The following ASCC3 variants were observed in gnomAD, a reference collection of about 807,000 sequenced individuals.
ASCC3 encodes the protein activating signal cointegrator 1 complex subunit 3.
Under a neutral mutation model 256.3 loss-of-function variants are expected in ASCC3, and 158 were observed. That is an observed-to-expected ratio of 0.62 (90% CI 0.54 to 0.70). The LOEUF (loss-of-function observed/expected upper bound fraction) is 0.70, where lower values mean the gene tolerates loss of function less well. ASCC3 is among the 30% of genes least tolerant of loss of function. ASCC3 has a pLI of 0.00. For synonymous variants in ASCC3, 948 were observed against 883.4 expected, an observed-to-expected ratio of 1.07 and a Z score of -1.30; for missense variants, 2,259 against 2,626.0, an observed-to-expected ratio of 0.86 and a Z score of 3.05.
intron 22 of ASCC3, 36 bp downstream of exon 22, chr6:100,646,579 T>C: frequency 6.2e-7 from 1 of 1,610,718 alleles, no homozygotes; most frequent in Non-Finnish European, 8.5e-7. Context: ...ACAGATATTT[T>C]TGTTTAACAC....
intron 10 of ASCC3, among the ~76,000 whole-genome samples, chr6:100,726,404 T>G (rs984862534): frequency 2.6e-5 from 4 of 152,032 alleles, no homozygotes; most frequent in African/African-American, 9.7e-5. Context: ...TAGAACAGTA[T>G]GCCAGCCCTT....
At chr6:100,528,647 A>T (rs1774716104) in intron 37 of ASCC3, among the ~76,000 whole-genome samples, 1 of 152,190 alleles carries the variant, frequency 6.6e-6, no homozygotes, top group African/African-American at 2.4e-5. Context: ...CTAAAAGAAA[A>T]AAAAATACTT....
At chr6:100,567,254 T>C (rs1209549278) in intron 36 of ASCC3, among the ~76,000 whole-genome samples, 3 of 152,126 alleles carry the variant, frequency 2.0e-5, no homozygotes, top group South Asian at 2.1e-4. Flanking sequence ...TATCTATGCA[T>C]AGTAATATAT....
At chr6:100,610,717 A>G (rs1423137014) in intron 30 of ASCC3, among the ~76,000 whole-genome samples, 2 of 152,292 alleles carry the variant, frequency 1.3e-5, no homozygotes, top group South Asian at 2.1e-4. Context: ...ATATGGAAAT[A>G]TATTAGTATG....
intron 37 of ASCC3, among the ~76,000 whole-genome samples, chr6:100,525,725 G>A (rs1379010801): frequency 1.3e-5 from 2 of 152,014 alleles, no homozygotes; most frequent in East Asian, 1.9e-4. Context: ...TATTTAAGAC[G>A]TCAATATTAG....
chr6:100,655,637 T>A (rs1390667690), intron 17 of ASCC3, 62 bp downstream of exon 17: 1 of 1,552,206 alleles, frequency 6.4e-7, no homozygotes, highest in Non-Finnish European at 8.8e-7. Flanking sequence ...ATATCTATCC[T>A]CATATCATGA....
chr6:100,824,227 C>G (rs1283802432), intron 4 of ASCC3, among the ~76,000 whole-genome samples: 1 of 152,112 alleles, frequency 6.6e-6, no homozygotes, highest in Non-Finnish European at 1.5e-5. Context: ...CTATTTGAAC[C>G]CTGCTTCTCT....
chr6:100,683,280 T>A (rs922297839), intron 13 of ASCC3, among the ~76,000 whole-genome samples: 20 of 152,156 alleles, frequency 1.3e-4, no homozygotes, highest in African/African-American at 4.8e-4. Context: ...TCCTGTTGAA[T>A]TAGCAGATAT....
At chr6:100,523,044 G>C (rs1267565919) in intron 37 of ASCC3, among the ~76,000 whole-genome samples, 1 of 149,394 alleles carries the variant, frequency 6.7e-6, no homozygotes, top group Non-Finnish European at 1.5e-5. Context: ...TGACAAGACA[G>C]AATGTAAGCA....
intron 29 of ASCC3, among the ~76,000 whole-genome samples, chr6:100,625,978 G>T (rs915912166): frequency 2.6e-5 from 4 of 151,968 alleles, no homozygotes; most frequent in Non-Finnish European, 5.9e-5. Context: ...TACTATGCCT[G>T]AATGAGTATC....
chr6:100,859,326 T>C, intron 3 of ASCC3: 1 of 737,262 alleles, frequency 1.4e-6, no homozygotes, highest in Non-Finnish European at 2.5e-6. Flanking sequence ...AAATTTTGTA[T>C]TTTGCAGTTT....
chr6:100,676,323 T>C (rs1777004555), intron 14 of ASCC3, among the ~76,000 whole-genome samples: 1 of 152,216 alleles, frequency 6.6e-6, no homozygotes, highest in Non-Finnish European at 1.5e-5. Flanking sequence ...TATTATTTAC[T>C]CCATTATTAT....
chr6:100,800,424 G>A lies in ASCC3; in HGVS notation c.1003C>T (p.Gln335Ter). 6.2e-7 allele frequency: 1 copy of A among 1,612,390 alleles called. No homozygotes were observed. Among genetic ancestry groups the A allele is most frequent in the Non-Finnish European group, 8.5e-7 (1 of 1,179,168 alleles). ...TCACGTCGATATTGTTTCATTAACT[G>A]CTTTTCTTGTTCAGACTGAATAGTG... ...QVTIQSEQEK[Q>*]LMKQYRREEK... Residue 335 changes from glutamine (Q) to a stop codon, truncating the protein, a stop_gained, in exon 6 of 42, where the codon CAG becomes TAG. Transcript: ENST00000369162. LOFTEE classifies it high-confidence loss of function.
intron 8 of ASCC3, among the ~76,000 whole-genome samples, chr6:100,795,313 G>A (rs1769555480): frequency 6.6e-6 from 1 of 151,792 alleles, no homozygotes; most frequent in Non-Finnish European, 1.5e-5. Flanking sequence ...GGAATCAGGG[G>A]ATGAAAAATA....
chr6:100,650,684 TA>T lies in ASCC3; in HGVS notation c.3105del (p.Asp1035GlufsTer4). On this transcript the variant is annotated frameshift_variant, in exon 20 of 42. Coordinates refer to ENST00000369162, the MANE Select transcript of ASCC3 (RefSeq NM_006828.4). LOFTEE classifies it high-confidence loss of function. ...KVREEEIEELDTLLSNFCELS... is the reference protein window; with the variant it reads ...KVREEEIEELXTLLSNFCELS... ...AGTTCACAAAAATTGCTTAATAAGG[TA>T]TCTAACTCCTCTATTTCCTCTTCTC... 2 of 1,611,678 alleles carry T rather than the reference TA, an allele frequency of 1.2e-6. No homozygotes were observed. Among genetic ancestry groups the T allele is most frequent in the Non-Finnish European group, 1.7e-6 (2 of 1,178,194 alleles).
intron 4 of ASCC3, among the ~76,000 whole-genome samples, chr6:100,814,173 C>T (rs2114396640): frequency 6.6e-6 from 1 of 152,158 alleles, no homozygotes; most frequent in South Asian, 2.1e-4. Flanking sequence ...TCATCAAAAG[C>T]CTTTTCTACA....
chr6:100,822,536 CAA>C (rs34408420), intron 4 of ASCC3, among the ~76,000 whole-genome samples: 45,975 of 112,764 alleles, frequency 0.41, 8,479 homozygotes, highest in Middle Eastern at 0.57. Context: ...ACTCCGTCTC[CAA>C]AAAAAAAAAA....
intron 25 of ASCC3, among the ~76,000 whole-genome samples, chr6:100,632,658 AG>A (rs1774616846): frequency 6.6e-6 from 1 of 152,200 alleles, no homozygotes; most frequent in Non-Finnish European, 1.5e-5. Context: ...AAAAGAGCCC[AG>A]AAATCAACCC....
intron 36 of ASCC3, among the ~76,000 whole-genome samples, chr6:100,557,015 C>A (rs1042582809): frequency 3.9e-5 from 6 of 152,060 alleles, no homozygotes; most frequent in African/African-American, 1.4e-4. Context: ...GGTAGGACTC[C>A]TCAGTCTTCT....
Sources: gnomAD v4.1 joint callset for allele counts (sites outside exome capture counted in the v4.1 genomes callset) on GRCh38, gnomAD v4.1.1 for gene constraint, MANE v1.5 for transcripts, NCBI Gene and HGNC (gene_info 2026-07-23, HGNC 2026-07-21) for gene names.